The following CYREN variants were observed in gnomAD, a reference collection of about 807,000 sequenced individuals.
CYREN encodes the protein cell cycle regulator of NHEJ, also known as cell cycle regulator of non-homologous end joining.
CYREN carries 7 observed loss-of-function variants against 9.7 expected under a neutral mutation model. The ratio of observed to expected loss-of-function variants is 0.72; its 90% CI spans 0.41 to 1.36. The LOEUF is 1.36. Ranked by LOEUF, CYREN falls within the 40% of genes most tolerant of loss-of-function variation. The probability of loss-of-function intolerance (pLI) is 0.01; values close to 1 mark genes in which losing one functional copy is unlikely to be tolerated. For synonymous variants in CYREN, 76 were observed against 77.9 expected (o/e 0.98, Z 0.13); for missense variants, 215 against 198.1 (o/e 1.09, Z -0.51).
downstream of CYREN, chr7:135,164,456 G>T (rs1435163121): frequency 6.3e-7 from 1 of 1,599,518 alleles, no homozygotes; most frequent in Non-Finnish European, 8.6e-7. Context: ...CCGGCCCAAG[G>T]CCTCGGTGGC....
chr7:135,148,222 C>T, intron 2 of CYREN: 1 of 413,424 alleles, frequency 2.4e-6, no homozygotes, highest in South Asian at 1.7e-5. Context: ...CCCTGATTTC[C>T]TGCTTCTCCT....
chr7:135,097,658 AG>A (rs1823109661), intron 2 of CYREN, among the ~76,000 whole-genome samples: 9 of 152,250 alleles, frequency 5.9e-5, no homozygotes, highest in Middle Eastern at 3.4e-3. Context: ...TTATAATAAA[AG>A]TTTGGGGTCA....
intron 2 of CYREN, among the ~76,000 whole-genome samples, chr7:135,137,421 A>T (rs1829371431): frequency 6.6e-6 from 1 of 152,042 alleles, no homozygotes; most frequent in Non-Finnish European, 1.5e-5. Flanking sequence ...AAGGTATGTA[A>T]CGTGTAATGG....
rs779900781 is a variant in CYREN at position 135,168,965 on chromosome 7, TG to T, written c.-44del. On this transcript the variant is annotated 5_prime_UTR_variant, in exon 2 of 4. Transcript: ENST00000393114. ...AAGAAGAGTCAGGGCCCAAGCTTAA[TG>T]ACCTGTTTTTTAATTCAGGAAGGTA... is the stretch of plus-strand genomic sequence containing the variant. 1 of 1,500,426 alleles carries T rather than the reference TG, an allele frequency of 6.7e-7. No homozygotes were observed. The highest frequency in any genetic ancestry group is 8.9e-7 in the Non-Finnish European group (1 of 1,122,436). 92.9% of individuals were successfully genotyped at this position (1,500,426 alleles called of 1,614,324 possible).
chr7:135,099,184 A>T (rs921519478), intron 2 of CYREN, among the ~76,000 whole-genome samples: 23 of 113,220 alleles, frequency 2.0e-4, no homozygotes, highest in Admixed American at 4.5e-4. Context: ...TGTGTCCTAG[A>T]TTGGCTCTAA....
At chr7:135,172,211 T>C (rs1473153830), upstream of CYREN, among the ~76,000 whole-genome samples, 2 of 152,234 alleles carry the variant, frequency 1.3e-5, no homozygotes. Context: ...GACTAGTCTT[T>C]GGAACTTGCC....
downstream of CYREN, chr7:135,164,554 A>G (rs763923471): frequency 6.2e-7 from 1 of 1,614,050 alleles, no homozygotes; most frequent in Non-Finnish European, 8.5e-7. Flanking sequence ...GAGGCTGGCA[A>G]CCTCACTGAC....
chr7:135,129,044 G>A (rs1828352364), intron 2 of CYREN: 5 of 1,608,738 alleles, frequency 3.1e-6, no homozygotes, highest in Non-Finnish European at 2.6e-6. Flanking sequence ...GAGATGGCCA[G>A]GTTCAATGCC....
At chr7:135,135,036 C>T in intron 2 of CYREN, 1 of 1,551,122 alleles carries the variant, frequency 6.4e-7, no homozygotes, top group Non-Finnish European at 8.7e-7. Context: ...AAATCTGGGC[C>T]ATAAAGAATG....
At chr7:135,097,447 T>G (rs1476913966) in intron 2 of CYREN, among the ~76,000 whole-genome samples, 1 of 152,174 alleles carries the variant, frequency 6.6e-6, no homozygotes, top group Non-Finnish European at 1.5e-5. Flanking sequence ...AACCAAATAT[T>G]GCTAGCTAAT....
chr7:135,148,014 G>T lies in CYREN; in HGVS notation n.356+20735C>A, dbSNP rs909347772. On this transcript the variant is annotated intron_variant and non_coding_transcript_variant, in intron 2 of 2. Coordinates refer to the CYREN transcript ENST00000459937. ...AAGTCATGGGCCACTGGCAAGTTAG[G>T]AAACGAAAGTGAAATCAGCTGATAG... 8.3e-5 allele frequency: 38 copies of T among 455,852 alleles called. No individual in the cohort carries two copies. The Admixed American group carries it at 8.5e-4, about 10-fold the overall frequency. 28.2% of individuals were successfully genotyped at this position (455,852 alleles called of 1,614,324 possible). A position where few individuals can be genotyped will look rare whatever the true frequency, so the allele number is the denominator to read the frequency against.
chr7:135,166,617 GA>G lies in CYREN; in HGVS notation c.467del (p.Phe156SerfsTer5), dbSNP rs1402345687. The G allele has an allele frequency of 1.3e-6, 2 of 1,593,622 alleles. No homozygotes were observed. The highest frequency in any genetic ancestry group is 1.3e-5 in the African/African-American group (1 of 74,846). ...TCAGTGCACAGTTTATGCCCTAGCT[GA>G]AAAAGATCTCCCGGACGTATTTCAG... is the stretch of plus-strand genomic sequence containing the variant. The part of the protein sequence containing the change: ...DVLKYVREIF[F>X]S On this transcript the variant is annotated frameshift_variant, in exon 4 of 4. Transcript: ENST00000393114. LOFTEE classifies it high-confidence loss of function.
At chr7:135,094,658 A>T in intron 2 of CYREN, 1 of 386,146 alleles carries the variant, frequency 2.6e-6, no homozygotes. Context: ...CTACTCTCTT[A>T]GGGTGTTAAC....
intron 2 of CYREN, among the ~76,000 whole-genome samples, chr7:135,124,889 A>C (rs1827644555): frequency 6.6e-6 from 1 of 152,226 alleles, no homozygotes; most frequent in East Asian, 1.9e-4. Flanking sequence ...TCTGGGACAC[A>C]GCTAAAGCAT....
intron 2 of CYREN, chr7:135,147,998 G>A (rs1829581931): frequency 2.2e-6 from 1 of 455,836 alleles, no homozygotes; most frequent in Non-Finnish European, 4.4e-6. Context: ...AAAGTCATGG[G>A]CCACTGGCAA....
chr7:135,115,432 C>G, intron 2 of CYREN: 1 of 1,551,320 alleles, frequency 6.4e-7, no homozygotes, highest in Non-Finnish European at 8.7e-7. Flanking sequence ...CTTTCCAAAG[C>G]AAGAAGACTG....
intron 2 of CYREN, chr7:135,129,231 C>G (rs1051343576): frequency 1.4e-6 from 2 of 1,465,700 alleles, no homozygotes; most frequent in Middle Eastern, 1.7e-4. Flanking sequence ...GATGCAGGAG[C>G]CTGGCTACAT....
Position 135,138,438 on chromosome 7 carries a change from T to C in CYREN, n.356+30311A>G, listed in dbSNP as rs527291479. ...TTGGGAATACCCTGTTACAAAATAC[T>C]TGTACTACCAAAGAAGCAAGTGGTA... On this transcript the variant is annotated intron_variant and non_coding_transcript_variant, in intron 2 of 2. Coordinates refer to the CYREN transcript ENST00000459937. Among the ~76,000 whole-genome samples the C allele has an allele frequency of 1.2e-4, 18 of 152,104 alleles. 2 individuals are homozygous for C. In the South Asian group the frequency reaches 3.7e-3, roughly 32 times the overall value.
chr7:135,158,921 T>C (rs932301151), intron 2 of CYREN, among the ~76,000 whole-genome samples: 1 of 152,246 alleles, frequency 6.6e-6, no homozygotes, highest in African/African-American at 2.4e-5. Context: ...ATGTGAGATT[T>C]TGTATTGGTT....
Sources: gnomAD v4.1 joint callset for allele counts (sites outside exome capture counted in the v4.1 genomes callset) on GRCh38, gnomAD v4.1.1 for gene constraint, MANE v1.5 for transcripts, NCBI Gene and HGNC (gene_info 2026-07-23, HGNC 2026-07-21) for gene names.